The following DIPK1A variants were observed in gnomAD, a reference collection of about 807,000 sequenced individuals.
The protein encoded by DIPK1A is divergent protein kinase domain 1A, also known as family with sequence similarity 69 member A.
DIPK1A carries 27 observed loss-of-function variants against 40.8 expected under a neutral mutation model. That is an observed-to-expected ratio of 0.66 (90% CI 0.49 to 0.91). DIPK1A has a LOEUF of 0.91. DIPK1A is among the 40% of genes least tolerant of loss of function. The pLI, the probability that DIPK1A is intolerant of heterozygous loss-of-function variation, is 0.00. For missense variants in DIPK1A, 412 were observed against 505.7 expected, an observed-to-expected ratio of 0.81 and a Z score of 1.78; for synonymous variants, 166 against 171.3, an observed-to-expected ratio of 0.97 and a Z score of 0.24.
chr1:92,900,817 T>C (rs569653450), intron 1 of DIPK1A, among the ~76,000 whole-genome samples: 8 of 151,946 alleles, frequency 5.3e-5, no homozygotes, highest in Admixed American at 4.6e-4. Flanking sequence ...AGGTATATCA[T>C]ACAGATCCTG....
At chr1:92,958,878 C>T (rs1020876803) in intron 1 of DIPK1A, among the ~76,000 whole-genome samples, 9 of 152,120 alleles carry the variant, frequency 5.9e-5, no homozygotes, top group African/African-American at 2.2e-4. Flanking sequence ...TTGTTATTAA[C>T]TTTGTTAGGC....
At chr1:92,897,052 TG>T (rs1263482101) in intron 1 of DIPK1A, among the ~76,000 whole-genome samples, 10 of 151,806 alleles carry the variant, frequency 6.6e-5, no homozygotes, top group African/African-American at 2.4e-4. Flanking sequence ...TTTACACTGT[TG>T]GTGGGACTGT....
rs1450122907 is a variant in DIPK1A at position 92,908,038 on chromosome 1, T to G, written c.55-31608A>C. On this transcript the variant is annotated intron_variant, in intron 1 of 4. Transcript: ENST00000370310. The stretch of plus-strand genomic sequence containing the variant: ...AGGAGCCCCAAGTTTCTGGCTTGAG[T>G]AACTAGATGGATTCTAGTGCCATTT... 2.0e-5 allele frequency among the ~76,000 whole-genome samples: 3 copies of G among 152,080 alleles called. No individual in the cohort carries two copies. In the East Asian group the frequency reaches 5.8e-4, roughly 29 times the overall value.
rs375760746 is a variant in DIPK1A at position 92,927,535 on chromosome 1, T to C, written c.54+33841A>G. On this transcript the variant is annotated intron_variant, in intron 1 of 4. Coordinates refer to ENST00000370310, the MANE Select transcript of DIPK1A (RefSeq NM_001006605.5). ...TTCAATGTTTTAAAAAATATACTCA[T>C]AGGTTTGGAAAAACATCACCACAAT... 2.8e-4 allele frequency among the ~76,000 whole-genome samples: 42 copies of C among 152,012 alleles called. 1 individual carries two copies. The highest frequency in any genetic ancestry group is 1.9e-3 in the East Asian group (10 of 5,182).
intron 1 of DIPK1A, among the ~76,000 whole-genome samples, chr1:92,911,772 G>A (rs977500921): frequency 7.2e-5 from 11 of 151,764 alleles, no homozygotes; most frequent in Admixed American, 2.0e-4. Flanking sequence ...AGGCCTAGGC[G>A]GGTAGATCAC....
At chr1:92,875,991 T>G (rs996759051) in intron 2 of DIPK1A, among the ~76,000 whole-genome samples, 1 of 150,630 alleles carries the variant, frequency 6.6e-6, no homozygotes, top group Non-Finnish European at 1.5e-5. Flanking sequence ...AAAACTCATC[T>G]GATTGAAATA....
chr1:92,903,349 T>C (rs1208961261), intron 1 of DIPK1A, among the ~76,000 whole-genome samples: 3 of 152,216 alleles, frequency 2.0e-5, no homozygotes, highest in African/African-American at 7.2e-5. Context: ...CCCAGGCTAA[T>C]GTTACACTGC....
At chr1:92,924,165 AAC>A (rs1035629084) in intron 1 of DIPK1A, among the ~76,000 whole-genome samples, 3 of 152,194 alleles carry the variant, frequency 2.0e-5, no homozygotes, top group African/African-American at 2.4e-5. Context: ...TTTAAGTAAA[AAC>A]AGTTAATTTT....
intron 1 of DIPK1A, among the ~76,000 whole-genome samples, chr1:92,934,908 CG>C (rs749287541): frequency 6.6e-6 from 1 of 152,110 alleles, no homozygotes; most frequent in South Asian, 2.1e-4. Flanking sequence ...GGCTGGCTGG[CG>C]GGCCTGTGGT....
At chr1:92,891,539 T>A (rs571966823) in intron 1 of DIPK1A, among the ~76,000 whole-genome samples, 1 of 152,280 alleles carries the variant, frequency 6.6e-6, no homozygotes, top group South Asian at 2.1e-4. Flanking sequence ...GGAGCCAAGA[T>A]GGCCGAATAG....
chr1:92,955,267 A>G (rs1651802195), intron 1 of DIPK1A, among the ~76,000 whole-genome samples: 1 of 152,248 alleles, frequency 6.6e-6, no homozygotes, highest in Non-Finnish European at 1.5e-5. Context: ...GATACATGTC[A>G]TTATGCATTT....
intron 1 of DIPK1A, among the ~76,000 whole-genome samples, chr1:92,919,651 C>T (rs759656946): frequency 7.2e-5 from 11 of 152,278 alleles, no homozygotes; most frequent in East Asian, 1.9e-4. Flanking sequence ...AACCTCCTTA[C>T]GTTTATTTAC....
chr1:92,943,504 T>C (rs913257713), intron 1 of DIPK1A, among the ~76,000 whole-genome samples: 18 of 152,254 alleles, frequency 1.2e-4, no homozygotes, highest in Non-Finnish European at 1.8e-4. Context: ...ACTGCACTGG[T>C]TGGCACCCCC....
At chr1:92,877,076 T>G (rs559456418) in intron 1 of DIPK1A, 1 of 985,238 alleles carries the variant, frequency 1.0e-6, no homozygotes, top group East Asian at 1.1e-4. Flanking sequence ...AGGGTTAAGA[T>G]ATATTAAAAA....
chr1:92,937,803 GAA>G (rs1037986718), intron 1 of DIPK1A, among the ~76,000 whole-genome samples: 1 of 150,452 alleles, frequency 6.6e-6, no homozygotes, highest in African/African-American at 2.5e-5. Flanking sequence ...ATACTTTAAT[GAA>G]AAGTTAAGGA....
intron 1 of DIPK1A, among the ~76,000 whole-genome samples, chr1:92,960,639 C>T (rs563937852): frequency 6.6e-6 from 1 of 152,124 alleles, no homozygotes; most frequent in Non-Finnish European, 1.5e-5. Flanking sequence ...ACACGCGAAC[C>T]GTACACACGA....
chr1:92,933,950 A>G (rs1270038615), intron 1 of DIPK1A: 1 of 152,236 alleles, frequency 6.6e-6, no homozygotes, highest in African/African-American at 2.4e-5. Flanking sequence ...GAGACTAGTT[A>G]GGAAGTTGTT....
chr1:92,864,488 G>A (rs1409181916), intron 2 of DIPK1A, among the ~76,000 whole-genome samples: 2 of 152,142 alleles, frequency 1.3e-5, no homozygotes, highest in Non-Finnish European at 2.9e-5. Context: ...TTGCATAGAG[G>A]AATATGTCAG....
At chr1:92,839,840 TTTC>T (rs1446605460), downstream of DIPK1A, among the ~76,000 whole-genome samples, 1 of 151,906 alleles carries the variant, frequency 6.6e-6, no homozygotes, top group Non-Finnish European at 1.5e-5. Flanking sequence ...TTCTTTTTGT[TTTC>T]TTACTTTTTT....
Sources: gnomAD v4.1 joint callset for allele counts (sites outside exome capture counted in the v4.1 genomes callset) on GRCh38, gnomAD v4.1.1 for gene constraint, MANE v1.5 for transcripts, NCBI Gene and HGNC (gene_info 2026-07-23, HGNC 2026-07-21) for gene names.